HPS1: variants seen among roughly 807,000 people sequenced by gnomAD.
HPS1 encodes the protein HPS1 biogenesis of lysosomal organelles complex 3 subunit 1.
In HPS1, 59 loss-of-function variants were observed where a neutral mutation model predicts 90.6. The observed-to-expected ratio is 0.65, with a 90% CI of 0.53 to 0.81. HPS1 has a LOEUF of 0.81. Ranked by LOEUF, HPS1 falls within the 30% of genes least tolerant of loss-of-function variation. The pLI, the probability that HPS1 is intolerant of heterozygous loss-of-function variation, is 0.00. For missense variants in HPS1, 849 were observed against 896.7 expected (o/e 0.95, Z 0.68); for synonymous variants, 388 against 384.4 (o/e 1.01, Z -0.11).
At chr10:98,429,069 T>C (rs1033191059) in intron 10 of HPS1, 2 of 265,170 alleles carry the variant, frequency 7.5e-6, no homozygotes, top group Non-Finnish European at 1.2e-5. Flanking sequence ...CTCAAACTCC[T>C]GACCTCAGGT....
In HPS1 at chr10:98,417,845, C is replaced by CA; in HGVS notation, c.1941-120_1941-119insT. 1.1e-6 allele frequency: 1 copy of CA among 943,196 alleles called. No individual in the cohort carries two copies. Among genetic ancestry groups the CA allele is most frequent in the Non-Finnish European group, 1.7e-6 (1 of 603,680 alleles). 58.4% of individuals were successfully genotyped at this position (943,196 alleles called of 1,614,324 possible). A position where few individuals can be genotyped will look rare whatever the true frequency, so the allele number is the denominator to read the frequency against. ...TGCCCTCGGTCATCTCACTAGGCCC[C>CA]TGCATGTGGGCCTTGACAACCGCTC... On this transcript the variant is annotated intron_variant, in intron 19 of 19. Coordinates refer to ENST00000361490, the MANE Select transcript of HPS1 (RefSeq NM_000195.5). This position sits in a 1 kb window ranked among gnomAD's most constrained non-coding sequence, Gnocchi z 4.2.
At position 98,429,881 on chromosome 10, in the gene HPS1, C is replaced by A. The variant is rs140552558; in HGVS notation, c.777G>T (p.Pro259=). 6.2e-6 allele frequency: 10 copies of A among 1,611,278 alleles called. No homozygotes were observed. The South Asian group carries it at 1.1e-4, about 18-fold the overall frequency. ...TGTTCTGGCTGCTCCGGGCCCTCCG[C>A]GGGGAAGGCTGTGCAGGGCAGGGGA... ...STAEDDIQPS[P]RRARSSQNIP... is the part of the protein sequence containing the mutation. Residue 259 remains proline, a synonymous_variant, in exon 9 of 20, where the codon CCG becomes CCT. Transcript: ENST00000361490.
Position 98,417,663 on chromosome 10 carries a change from C to T in HPS1, c.2004G>A (p.Leu668=), listed in dbSNP as rs888653917. ...TGGGGATGACAGACAGGTGCAGGGC[C>T]AGCAGCTCGTAGCACCTGACAGCCT... The part of the protein sequence containing the change: ...PTEAVRCYEL[L]ALHLSVIPTD... The change falls in exon 20 of 20, where the codon CTG becomes CTA. Residue 668 remains leucine, a synonymous_variant. Transcript: ENST00000361490. This position sits in a 1 kb window ranked among gnomAD's most constrained non-coding sequence, Gnocchi z 4.2. 6.2e-7 allele frequency: 1 copy of T among 1,613,860 alleles called. No individual in the cohort carries two copies. Among genetic ancestry groups the T allele is most frequent in the South Asian group, 1.1e-5 (1 of 91,080 alleles).
chr10:98,435,377 T>C lies in HPS1; in HGVS notation c.293A>G (p.His98Arg), dbSNP rs774710016. 2.5e-6 allele frequency: 4 copies of C among 1,613,510 alleles called. No individual in the cohort carries two copies. The highest frequency in any genetic ancestry group is 2.2e-5 in the East Asian group (1 of 44,824). Reference sequence around the variant, plus strand: ...CCGCAGGTCCCCCTCGCTCTCGGTGTGGTCACCATTGATGGCAATGAACAG... The same window carrying C: ...CCGCAGGTCCCCCTCGCTCTCGGTGCGGTCACCATTGATGGCAATGAACAG... ...ECLFIAINGDHTESEGDLRRK... is the reference protein window; with the variant it reads ...ECLFIAINGDRTESEGDLRRK... The change falls in exon 5 of 20, where the codon CAC (histidine) becomes CGC (arginine). Residue 98 changes from histidine (H) to arginine (R), a missense_variant. By Grantham distance (29) the His-to-Arg change is conservative (BLOSUM62 0). Transcript: ENST00000361490. The surrounding 1 kb of genome is among the most constrained non-coding windows in gnomAD (Gnocchi z 4.3).
At chr10:98,432,635 C>T (rs990855535) in intron 6 of HPS1, among the ~76,000 whole-genome samples, 5 of 152,036 alleles carry the variant, frequency 3.3e-5, no homozygotes, top group Non-Finnish European at 7.4e-5. Context: ...TTCAAATTTG[C>T]CTGGTCAATT....
intron 6 of HPS1, among the ~76,000 whole-genome samples, chr10:98,433,499 G>A (rs1846823346): frequency 6.6e-6 from 1 of 152,174 alleles, no homozygotes; most frequent in Non-Finnish European, 1.5e-5. Context: ...AAAAGGACCA[G>A]TAGCCACTTT....
chr10:98,423,897 A>C lies in HPS1; in HGVS notation c.1398-10T>G, dbSNP rs760600675. ...ACATGCCTGGAGCAGCCTGAGCACGAGAGAGGAGGGCATTACAGCAGAAGG... is the reference window on the plus strand; with the variant it reads ...ACATGCCTGGAGCAGCCTGAGCACGCGAGAGGAGGGCATTACAGCAGAAGG... On this transcript the variant is annotated splice_polypyrimidine_tract_variant and intron_variant, in intron 14 of 19. Transcript: ENST00000361490. 1 of 1,613,268 alleles carries C rather than the reference A, an allele frequency of 6.2e-7. No individual in the cohort carries two copies. Among genetic ancestry groups the C allele is most frequent in the South Asian group, 1.1e-5 (1 of 91,070 alleles).
In HPS1 at chr10:98,435,490, C is replaced by A; in HGVS notation, c.256-76G>T. On this transcript the variant is annotated intron_variant, in intron 4 of 19. Coordinates refer to ENST00000361490, the MANE Select transcript of HPS1 (RefSeq NM_000195.5). The surrounding 1 kb of genome is among the most constrained non-coding windows in gnomAD (Gnocchi z 4.3). ...ACCTGCCCTGGTCTCTGCAGACAAG[C>A]CAGGGGAGGCTCGGGTCCCAGGCGG... 6.2e-7 allele frequency: 1 copy of A among 1,612,314 alleles called. No homozygotes were observed. Among genetic ancestry groups the A allele is most frequent in the Non-Finnish European group, 8.5e-7 (1 of 1,178,742 alleles).
Position 98,435,903 on chromosome 10 carries a change from G to T in HPS1, c.118-131C>A. 8.8e-7 allele frequency: 1 copy of T among 1,131,218 alleles called. No individual in the cohort carries two copies. Among genetic ancestry groups the T allele is most frequent in the Non-Finnish European group, 1.3e-6 (1 of 783,906 alleles). The allele number at this position is 1,131,218 out of a possible 1,614,324, so 70.1% of individuals were successfully genotyped here. ...CCTCCTGGGAGGGTATCACTGTCCTGGTAGGGAGGGGAGCAAAAAGAGACT... is the reference window on the plus strand; with the variant it reads ...CCTCCTGGGAGGGTATCACTGTCCTTGTAGGGAGGGGAGCAAAAAGAGACT... On this transcript the variant is annotated intron_variant, in intron 3 of 19. Transcript: ENST00000361490. The surrounding 1 kb of genome is among the most constrained non-coding windows in gnomAD (Gnocchi z 4.3).
At chr10:98,415,152 G>C (rs778744372), downstream of HPS1, 1 of 1,609,880 alleles carries the variant, frequency 6.2e-7, no homozygotes. Context: ...CCCAGGCTGG[G>C]CCTTGCTAGG....
In HPS1 at chr10:98,417,976, G is replaced by A. The variant is rs1239920257; in HGVS notation, c.1940+199C>T. Reference sequence around the variant, plus strand: ...CGTGCTGCCAAGACCATGCCAGCAGGAAGGTGGTAGGAACACAGATGTACC... The same window carrying A: ...CGTGCTGCCAAGACCATGCCAGCAGAAAGGTGGTAGGAACACAGATGTACC... On this transcript the variant is annotated intron_variant, in intron 19 of 19. Transcript: ENST00000361490. This position sits in a 1 kb window ranked among gnomAD's most constrained non-coding sequence, Gnocchi z 4.2. Among the ~76,000 whole-genome samples the A allele has an allele frequency of 6.6e-6, 1 of 152,160 alleles. No individual in the cohort carries two copies.
At position 98,417,416 on chromosome 10, in the gene HPS1, G is replaced by GGGTTTTAGACCATGGA. The variant is rs561406386; in HGVS notation, c.*147_*148insTCCATGGTCTAAAACC. The GGGTTTTAGACCATGGA allele has an allele frequency of 5.0e-3, 3,178 of 636,946 alleles. 75 individuals are homozygous for GGGTTTTAGACCATGGA. The highest frequency in any genetic ancestry group is 0.048 in the African/African-American group (2,641 of 54,552). 39.5% of individuals were successfully genotyped at this position (636,946 alleles called of 1,614,324 possible). A position where few individuals can be genotyped will look rare whatever the true frequency, so the allele number is the denominator to read the frequency against. ...ACCTGACATGGAGGGTGGTCTAGGT[G>GGGTTTTAGACCATGGA]GGGTTTTAGAAGCCCTGGGGCCACC... is the stretch of plus-strand genomic sequence containing the variant. On this transcript the variant is annotated 3_prime_UTR_variant, in exon 20 of 20. Transcript: ENST00000361490. The surrounding 1 kb of genome is among the most constrained non-coding windows in gnomAD (Gnocchi z 4.2).
At position 98,434,026 on chromosome 10, in the gene HPS1, G is replaced by A; in HGVS notation, c.464C>T (p.Thr155Ile). 6.4e-7 allele frequency: 1 copy of A among 1,558,064 alleles called. No individual in the cohort carries two copies. Among genetic ancestry groups the A allele is most frequent in the South Asian group, 1.2e-5 (1 of 84,510 alleles). ...LWEHFQSLLWTYSRLREQEQC... is the reference protein window; with the variant it reads ...LWEHFQSLLWIYSRLREQEQC... ...CTCCTGCTCCCGCAGGCGGCTGTAG[G>A]TCCACAGCAGGCTCTGGAAGTGCTC... Residue 155 changes from threonine (T) to isoleucine (I), a missense_variant, in exon 6 of 20, where the codon ACC becomes ATC. Thr to Ile is a moderately conservative substitution (Grantham distance 89). Transcript: ENST00000361490.
At chr10:98,416,169 T>C (rs988559177), downstream of HPS1, 2 of 152,344 alleles carry the variant, frequency 1.3e-5, no homozygotes, top group Non-Finnish European at 2.9e-5. Context: ...CATGGACAGT[T>C]ACCCCGCATG....
chr10:98,423,523 T>C (rs918235258), intron 16 of HPS1, 80 bp downstream of exon 16: 11 of 1,313,612 alleles, frequency 8.4e-6, no homozygotes, highest in Admixed American at 5.0e-5. Context: ...CTGGGGCCCA[T>C]AGTCCCTCCA....
At chr10:98,415,122 C>T, downstream of HPS1, 1 of 1,613,102 alleles carries the variant, frequency 6.2e-7, no homozygotes, top group South Asian at 1.1e-5. Context: ...GAGACCTCGG[C>T]CACTTGCAGC....
At chr10:98,425,266 G>A (rs1304179143) in intron 13 of HPS1, among the ~76,000 whole-genome samples, 1 of 152,260 alleles carries the variant, frequency 6.6e-6, no homozygotes, top group Non-Finnish European at 1.5e-5. Context: ...TCTTGGCCAA[G>A]TTAAAACTTG....
rs777248025 is a variant in HPS1, at chr10:98,420,164, G to A, written c.1744-6C>T. ...AGCTGGATCAGAGACCAGACCTGGGGAAAAGACAGCAAGCATCACCACTCT... is the reference window on the plus strand; with the variant it reads ...AGCTGGATCAGAGACCAGACCTGGGAAAAAGACAGCAAGCATCACCACTCT... On this transcript the variant is annotated splice_polypyrimidine_tract_variant and splice_region_variant and intron_variant, in intron 17 of 19. Transcript: ENST00000361490. 5 of 1,600,396 alleles carry A rather than the reference G, an allele frequency of 3.1e-6. No homozygotes were observed. The highest frequency in any genetic ancestry group is 4.3e-6 in the Non-Finnish European group (5 of 1,167,846).
chr10:98,427,944 G>A (rs1845832211), intron 10 of HPS1, among the ~76,000 whole-genome samples: 1 of 152,182 alleles, frequency 6.6e-6, no homozygotes, highest in Non-Finnish European at 1.5e-5. Context: ...CCATTTGTAA[G>A]TTGTGAGTTC....
Sources: allele counts gnomAD v4.1 joint callset (sites outside exome capture counted in the v4.1 genomes callset), GRCh38; gene constraint gnomAD v4.1.1; non-coding constraint Gnocchi (gnomAD v3.1); transcripts MANE v1.5; gene names NCBI Gene and HGNC (gene_info 2026-07-23, HGNC 2026-07-21).